TENM3: variants seen among roughly 807,000 people sequenced by gnomAD.
TENM3 encodes teneurin-3.
In TENM3, 63 loss-of-function variants were observed where a neutral mutation model predicts 255.1. The observed-to-expected ratio is 0.25, with a 90% CI of 0.20 to 0.30. The LOEUF (loss-of-function observed/expected upper bound fraction) is 0.30. TENM3 is among the 10% of genes least tolerant of loss of function. The pLI is 1.00. For synonymous variants in TENM3, 1,306 were observed against 1,322.3 expected (o/e 0.99, Z 0.27); for missense variants, 2,929 against 3,461.1 (o/e 0.85, Z 3.86).
intron 1 of TENM3, among the ~76,000 whole-genome samples, chr4:182,232,767 C>T (rs1756664288): frequency 6.6e-6 from 1 of 152,090 alleles, no homozygotes; most frequent in Admixed American, 6.5e-5. Context: ...CAGCAGATGC[C>T]TGAAGCCCTG....
the TENM3 span, among the ~76,000 whole-genome samples, chr4:182,003,733 A>G: frequency 6.6e-6 from 1 of 152,108 alleles, no homozygotes; most frequent in East Asian, 1.9e-4. Flanking sequence ...TCAACTTTTT[A>G]TAAAGCAAGG....
the TENM3 span, among the ~76,000 whole-genome samples, chr4:181,645,315 G>A: frequency 6.6e-6 from 1 of 152,160 alleles, no homozygotes. Flanking sequence ...GGATTCTGGT[G>A]GTTAGAGGCG....
the TENM3 span, among the ~76,000 whole-genome samples, chr4:181,618,427 C>T: frequency 3.5e-4 from 53 of 152,326 alleles, no homozygotes; most frequent in South Asian, 0.011. Context: ...AGGGTATTAG[C>T]TTATCAGCTG....
chr4:181,561,698 A>G, the TENM3 span, among the ~76,000 whole-genome samples: 39 of 152,316 alleles, frequency 2.6e-4, no homozygotes, highest in African/African-American at 9.4e-4. Flanking sequence ...TAACTAATTT[A>G]TGAAACTTAA....
At chr4:181,552,417 A>G in the TENM3 span, among the ~76,000 whole-genome samples, 3 of 152,214 alleles carry the variant, frequency 2.0e-5, no homozygotes, top group Non-Finnish European at 4.4e-5. Context: ...TTTATTGTTT[A>G]GAAAGTGATG....
At chr4:182,741,706 G>C (rs1331552182) in intron 18 of TENM3, among the ~76,000 whole-genome samples, 1 of 152,156 alleles carries the variant, frequency 6.6e-6, no homozygotes, top group Non-Finnish European at 1.5e-5. Flanking sequence ...TTCACCTCTT[G>C]TTATGATCCA....
Position 182,301,219 on chromosome 4 carries a change from A to G in TENM3, c.-75-22727A>G, listed in dbSNP as rs138191510. 7.2e-4 allele frequency among the ~76,000 whole-genome samples: 109 copies of G among 152,304 alleles called. 2 individuals carry two copies. The highest frequency in any genetic ancestry group is 2.5e-3 in the African/African-American group (104 of 41,564). ...GTCAGATAGAGTCAAACATATGCCA[A>G]CCAAAGCTTACACTGTTCCATCACC... On this transcript the variant is annotated intron_variant, in intron 1 of 27. Transcript: ENST00000511685.
the TENM3 span, among the ~76,000 whole-genome samples, chr4:181,985,975 G>C: frequency 5.9e-5 from 9 of 151,920 alleles, no homozygotes; most frequent in Non-Finnish European, 1.2e-4. Flanking sequence ...TTCTGGCACT[G>C]TCCAAATATT....
At chr4:182,152,394 A>G (rs1750406726) in intron 1 of TENM3, among the ~76,000 whole-genome samples, 1 of 151,998 alleles carries the variant, frequency 6.6e-6, no homozygotes, top group Non-Finnish European at 1.5e-5. Context: ...TGTTACTTGT[A>G]TGTAAGGTAT....
chr4:182,711,207 G>T (rs1758724192), intron 12 of TENM3, among the ~76,000 whole-genome samples: 1 of 151,862 alleles, frequency 6.6e-6, no homozygotes, highest in South Asian at 2.1e-4. Context: ...TTCATTATTT[G>T]TAGATCTCAT....
At chr4:181,796,456 G>A in the TENM3 span, among the ~76,000 whole-genome samples, 1 of 152,338 alleles carries the variant, frequency 6.6e-6, no homozygotes, top group East Asian at 1.9e-4. Flanking sequence ...TGAGGATTCT[G>A]CCCTTGAAAG....
chr4:182,408,354 A>G (rs1011513738), intron 3 of TENM3, among the ~76,000 whole-genome samples: 18 of 152,234 alleles, frequency 1.2e-4, no homozygotes, highest in East Asian at 7.7e-4. Context: ...ATAAAATGTG[A>G]ATAAAATGCA....
the TENM3 span, among the ~76,000 whole-genome samples, chr4:182,070,429 G>A: frequency 9.2e-5 from 14 of 152,126 alleles, no homozygotes; most frequent in Non-Finnish European, 1.8e-4. Flanking sequence ...GACCACCCTG[G>A]CCAACATAAT....
chr4:182,307,639 C>A (rs140995692), intron 1 of TENM3, among the ~76,000 whole-genome samples: 1 of 152,324 alleles, frequency 6.6e-6, no homozygotes, highest in East Asian at 1.9e-4. Flanking sequence ...AATTGAATTA[C>A]TTTAAAGCAG....
At chr4:181,726,788 A>AC in the TENM3 span, among the ~76,000 whole-genome samples, 1 of 152,028 alleles carries the variant, frequency 6.6e-6, no homozygotes, top group Non-Finnish European at 1.5e-5. Flanking sequence ...ATCACCCCCC[A>AC]CTTCCAAATT....
intron 3 of TENM3, among the ~76,000 whole-genome samples, chr4:182,497,934 A>G (rs1372381516): frequency 1.3e-5 from 2 of 151,068 alleles, no homozygotes; most frequent in Admixed American, 6.6e-5. Context: ...AGCCTTGTAC[A>G]TGTAACTCCT....
intron 6 of TENM3, among the ~76,000 whole-genome samples, chr4:182,664,865 A>T (rs1199530304): frequency 6.6e-6 from 1 of 152,226 alleles, no homozygotes; most frequent in African/African-American, 2.4e-5. Context: ...GCAGAATAAA[A>T]GTTTGAAGTT....
the TENM3 span, among the ~76,000 whole-genome samples, chr4:181,467,074 T>TGC: frequency 0.019 from 401 of 21,502 alleles, 7 homozygotes; most frequent in Middle Eastern, 0.041. Context: ...TGTGTGTGTG[T>TGC]GTGTGTGTGC....
intron 1 of TENM3, among the ~76,000 whole-genome samples, chr4:182,244,628 C>G (rs931644350): frequency 5.9e-5 from 9 of 152,180 alleles, no homozygotes; most frequent in African/African-American, 2.4e-5. Context: ...AGACGGGTCT[C>G]CTGGAATCCT....
Sources: gnomAD v4.1 joint callset for allele counts (sites outside exome capture counted in the v4.1 genomes callset) on GRCh38, gnomAD v4.1.1 for gene constraint, MANE v1.5 for transcripts, NCBI Gene and HGNC (gene_info 2026-07-23, HGNC 2026-07-21) for gene names.